The following GRIK2 variants were observed in gnomAD, a reference collection of about 807,000 sequenced individuals.
The protein encoded by GRIK2 is glutamate ionotropic receptor kainate type subunit 2, also known as glutamate receptor ionotropic, kainate 2.
A neutral mutation model predicts 100.3 loss-of-function variants in GRIK2; 32 were observed. The observed-to-expected ratio is 0.32, with a 90% CI of 0.24 to 0.43. The LOEUF is 0.43. Ranked by LOEUF, GRIK2 falls within the 20% of genes least tolerant of loss-of-function variation. The pLI is 1.00. For synonymous variants in GRIK2, 417 were observed against 389.4 expected, an observed-to-expected ratio of 1.07 and a Z score of -0.83; for missense variants, 843 against 1,114.9, an observed-to-expected ratio of 0.76 and a Z score of 3.47.
chr6:101,711,078 G>A (rs916489791), intron 7 of GRIK2, among the ~76,000 whole-genome samples: 1 of 151,682 alleles, frequency 6.6e-6, no homozygotes, highest in Non-Finnish European at 1.5e-5. Flanking sequence ...TTCCATGGAA[G>A]TTCACAAGGG....
In GRIK2 at chr6:101,799,734, G is replaced by A; in HGVS notation, c.1038G>A (p.Gln346=). 1.2e-6 allele frequency: 2 copies of A among 1,613,470 alleles called. No homozygotes were observed. The highest frequency in any genetic ancestry group is 1.7e-6 in the Non-Finnish European group (2 of 1,179,524). The part of the protein sequence containing the change: ...QFPQMTVSSL[Q]CNRHKPWRFG... ...CCCAGATGACAGTCAGTTCCTTGCA[G>A]TGTAATCGACATAAACCCTGGCGCT... The change falls in exon 8 of 17, where the codon CAG becomes CAA. Residue 346 remains glutamine, a synonymous_variant. Coordinates refer to ENST00000369134, the MANE Select transcript of GRIK2 (RefSeq NM_021956.5).
At chr6:101,580,163 T>TA (rs1477854724) in intron 2 of GRIK2, among the ~76,000 whole-genome samples, 13 of 152,196 alleles carry the variant, frequency 8.5e-5, no homozygotes, top group African/African-American at 3.1e-4. Context: ...GCTAATGCCC[T>TA]ATAATATAGA....
chr6:101,565,941 A>G (rs1033616438), intron 2 of GRIK2, among the ~76,000 whole-genome samples: 7 of 141,394 alleles, frequency 5.0e-5, no homozygotes, highest in African/African-American at 8.3e-5. Flanking sequence ...ATGTGTATAT[A>G]TATATATATA....
At chr6:101,617,740 G>C (rs2128315232) in intron 2 of GRIK2, among the ~76,000 whole-genome samples, 1 of 151,662 alleles carries the variant, frequency 6.6e-6, no homozygotes. Context: ...ATCTTTTGGG[G>C]AATGCTTGTT....
At chr6:101,765,580 T>G (rs1245340576) in intron 7 of GRIK2, among the ~76,000 whole-genome samples, 1 of 152,190 alleles carries the variant, frequency 6.6e-6, no homozygotes, top group East Asian at 1.9e-4. Context: ...CTACTTGTGT[T>G]AGTCCCAAAA....
intron 7 of GRIK2, among the ~76,000 whole-genome samples, chr6:101,778,516 A>G (rs987496132): frequency 6.6e-6 from 1 of 152,230 alleles, no homozygotes; most frequent in Admixed American, 6.5e-5. Context: ...CACAAATATA[A>G]CCGTGCTTGG....
At chr6:101,426,820 T>G (rs1262098963) in intron 2 of GRIK2, among the ~76,000 whole-genome samples, 1 of 152,174 alleles carries the variant, frequency 6.6e-6, no homozygotes, top group Non-Finnish European at 1.5e-5. Context: ...GCTTGCTAAA[T>G]GAAATTCAAA....
intron 2 of GRIK2, among the ~76,000 whole-genome samples, chr6:101,425,252 C>G (rs1776641262): frequency 6.6e-6 from 1 of 152,104 alleles, no homozygotes; most frequent in African/African-American, 2.4e-5. Flanking sequence ...CTGACTTCCA[C>G]AATGGTTGAA....
chr6:101,861,350 C>T (rs1272115916), intron 11 of GRIK2, among the ~76,000 whole-genome samples: 10 of 152,188 alleles, frequency 6.6e-5, no homozygotes, highest in Non-Finnish European at 1.2e-4. Context: ...AATGAGAAAT[C>T]TGTAGGGACT....
chr6:101,402,527 A>G (rs1183695538), intron 2 of GRIK2, among the ~76,000 whole-genome samples: 1 of 151,810 alleles, frequency 6.6e-6, no homozygotes, highest in East Asian at 1.9e-4. Flanking sequence ...TGCTGCCCCG[A>G]GGCTCTATGG....
At chr6:101,701,901 G>A (rs1340758441) in intron 7 of GRIK2, among the ~76,000 whole-genome samples, 1 of 151,954 alleles carries the variant, frequency 6.6e-6, no homozygotes, top group East Asian at 1.9e-4. Context: ...ACCAGTAGAA[G>A]TTCTCTTAAC....
chr6:102,003,773 A>T (rs1169366454), intron 14 of GRIK2, among the ~76,000 whole-genome samples: 4 of 151,714 alleles, frequency 2.6e-5, no homozygotes, highest in African/African-American at 7.2e-5. Flanking sequence ...AAAACCAATA[A>T]GTATCTAATA....
intron 7 of GRIK2, among the ~76,000 whole-genome samples, chr6:101,755,611 A>G (rs1777090464): frequency 6.6e-6 from 1 of 152,204 alleles, no homozygotes; most frequent in Non-Finnish European, 1.5e-5. Context: ...TTCCAGATAA[A>G]CTAGTGTGTT....
chr6:101,616,691 A>G (rs1050052779), intron 2 of GRIK2, among the ~76,000 whole-genome samples: 5 of 151,854 alleles, frequency 3.3e-5, no homozygotes, highest in African/African-American at 1.2e-4. Context: ...CAAGTGTGTG[A>G]TATTTTTAAA....
At chr6:101,924,023 A>G (rs982939620) in intron 12 of GRIK2, among the ~76,000 whole-genome samples, 1 of 150,856 alleles carries the variant, frequency 6.6e-6, no homozygotes, top group Non-Finnish European at 1.5e-5. Context: ...AGAAGCGTGT[A>G]TTAGAATGCA....
intron 8 of GRIK2, among the ~76,000 whole-genome samples, chr6:101,801,600 T>A (rs1780674258): frequency 6.6e-6 from 1 of 152,012 alleles, no homozygotes; most frequent in Non-Finnish European, 1.5e-5. Flanking sequence ...AATTGAAAAT[T>A]TCTGTATTTA....
intron 10 of GRIK2, among the ~76,000 whole-genome samples, chr6:101,832,218 T>G (rs1261823554): frequency 6.6e-6 from 1 of 152,140 alleles, no homozygotes; most frequent in East Asian, 1.9e-4. Flanking sequence ...AGCACTTAAA[T>G]ATATTTTGTT....
At chr6:101,895,739 T>G (rs1158967272) in intron 12 of GRIK2, among the ~76,000 whole-genome samples, 1 of 151,828 alleles carries the variant, frequency 6.6e-6, no homozygotes, top group Non-Finnish European at 1.5e-5. Context: ...ATTTTAACTT[T>G]CCATAACATA....
chr6:101,605,887 G>A, intron 2 of GRIK2, among the ~76,000 whole-genome samples: 1 of 152,108 alleles, frequency 6.6e-6, no homozygotes, highest in Non-Finnish European at 1.5e-5. Context: ...TCACAGGGTA[G>A]AAATATAATT....
Sources: gnomAD v4.1 joint callset for allele counts (sites outside exome capture counted in the v4.1 genomes callset) on GRCh38, gnomAD v4.1.1 for gene constraint, MANE v1.5 for transcripts, NCBI Gene and HGNC (gene_info 2026-07-23, HGNC 2026-07-21) for gene names.